SLC4A7: variants seen among roughly 807,000 people sequenced by gnomAD.
The protein encoded by SLC4A7 is solute carrier family 4 member 7, also known as sodium bicarbonate cotransporter 3.
SLC4A7 carries 51 observed loss-of-function variants against 137.6 expected under a neutral mutation model. The observed-to-expected ratio is 0.37, with a 90% CI of 0.30 to 0.47. The LOEUF (loss-of-function observed/expected upper bound fraction) is 0.47, where lower values mean the gene tolerates loss of function less well. SLC4A7 is among the 20% of genes least tolerant of loss of function. The pLI, the probability that SLC4A7 is intolerant of heterozygous loss-of-function variation, is 1.00. For missense variants in SLC4A7, 1,247 were observed against 1,525.4 expected (o/e 0.82, Z 3.04); for synonymous variants, 542 against 518.6 (o/e 1.05, Z -0.61).
At chr3:27,468,131 G>A (rs2059085676) in intron 1 of SLC4A7, among the ~76,000 whole-genome samples, 1 of 152,130 alleles carries the variant, frequency 6.6e-6, no homozygotes, top group South Asian at 2.1e-4. Context: ...GTTTCACCAT[G>A]TTGGCCAGGC....
At chr3:27,380,869 A>T (rs2050352797) in intron 24 of SLC4A7, among the ~76,000 whole-genome samples, 1 of 152,224 alleles carries the variant, frequency 6.6e-6, no homozygotes, top group African/African-American at 2.4e-5. Context: ...AACTTCAAAT[A>T]AGTGAAGAAA....
intron 2 of SLC4A7, 26 bp downstream of exon 2, chr3:27,452,391 A>C: frequency 7.0e-7 from 1 of 1,434,810 alleles, no homozygotes; most frequent in Non-Finnish European, 9.7e-7. Flanking sequence ...CTACTAAGCG[A>C]AGTAAGTTAT....
chr3:27,461,051 T>C (rs2058669313), intron 1 of SLC4A7, among the ~76,000 whole-genome samples: 1 of 152,160 alleles, frequency 6.6e-6, no homozygotes, highest in Admixed American at 6.5e-5. Context: ...CACTAAAGAT[T>C]TCACTTGTTA....
chr3:27,407,910 C>A lies in SLC4A7; in HGVS notation c.1941+1446G>T, dbSNP rs541906261. ...TCCCAATCTTTACATTTCCTCCTCA[C>A]CACTCTACACACTCTGGGACCGTAT... On this transcript the variant is annotated intron_variant, in intron 13 of 25. Coordinates refer to ENST00000454389, the MANE Select transcript of SLC4A7 (RefSeq NM_001321103.2). Among the ~76,000 whole-genome samples the A allele has an allele frequency of 1.6e-3, 247 of 152,228 alleles. 1 individual carries two copies. The highest frequency in any genetic ancestry group is 5.9e-3 in the African/African-American group (244 of 41,538).
rs187212978 is a variant in SLC4A7 at position 27,435,149 on chromosome 3, T to C, written c.590-1045A>G. On this transcript the variant is annotated intron_variant, in intron 5 of 25. Transcript: ENST00000454389. ...TGAGAAATTGTATTAAGTTCATGGT[T>C]CTCTTGAAGATTAAATACTACAGAT... 2.4e-3 allele frequency among the ~76,000 whole-genome samples: 363 copies of C among 152,330 alleles called. 2 individuals carry two copies. Among genetic ancestry groups the C allele is most frequent in the African/African-American group, 8.5e-3 (353 of 41,574 alleles).
chr3:27,469,760 A>T (rs1185782231), intron 1 of SLC4A7, among the ~76,000 whole-genome samples: 1 of 152,210 alleles, frequency 6.6e-6, no homozygotes, highest in Non-Finnish European at 1.5e-5. Flanking sequence ...TCTCAAAAAA[A>T]AATAATAAAA....
At chr3:27,452,297 T>C (rs559259474) in intron 2 of SLC4A7, 120 bp downstream of exon 2, 1 of 645,862 alleles carries the variant, frequency 1.5e-6, no homozygotes. Flanking sequence ...ATGTACGCTT[T>C]ACCTTACAAC....
intron 2 of SLC4A7, among the ~76,000 whole-genome samples, chr3:27,451,458 T>C (rs1404908686): frequency 6.6e-6 from 1 of 152,132 alleles, no homozygotes; most frequent in Non-Finnish European, 1.5e-5. Context: ...ATTACTTCTG[T>C]GGTATGCTTC....
chr3:27,413,807 G>A (rs2054130452), intron 11 of SLC4A7, among the ~76,000 whole-genome samples: 1 of 152,140 alleles, frequency 6.6e-6, no homozygotes, highest in African/African-American at 2.4e-5. Flanking sequence ...GTTTAAAAAT[G>A]CCTATTTAAA....
chr3:27,471,406 G>C (rs1367407774), intron 1 of SLC4A7, among the ~76,000 whole-genome samples: 1 of 152,118 alleles, frequency 6.6e-6, no homozygotes, highest in African/African-American at 2.4e-5. Flanking sequence ...AGGTGAAAGG[G>C]GGAACATTTT....
At chr3:27,436,692 G>A in intron 4 of SLC4A7, 144 bp from the exon 5 acceptor site, 3 of 547,350 alleles carry the variant, frequency 5.5e-6, no homozygotes, top group Non-Finnish European at 9.2e-6. Context: ...TCACAAATTA[G>A]GTTAATGGTC....
At chr3:27,430,646 T>C (rs984562048) in intron 7 of SLC4A7, among the ~76,000 whole-genome samples, 1 of 145,832 alleles carries the variant, frequency 6.9e-6, no homozygotes, top group African/African-American at 2.5e-5. Flanking sequence ...CTGGCCAGCA[T>C]GGTGAAAACA....
At chr3:27,440,123 A>G (rs921152991) in intron 3 of SLC4A7, among the ~76,000 whole-genome samples, 15 of 152,310 alleles carry the variant, frequency 9.8e-5, no homozygotes, top group African/African-American at 3.4e-4. Flanking sequence ...GGTGGATTAA[A>G]TAACACAAAT....
At chr3:27,430,109 T>C (rs1411360617) in intron 7 of SLC4A7, among the ~76,000 whole-genome samples, 1 of 151,952 alleles carries the variant, frequency 6.6e-6, no homozygotes. Flanking sequence ...CTCAGAATGC[T>C]GAGTCAGGAG....
At position 27,376,520 on chromosome 3, in the gene SLC4A7, G is replaced by GA. The variant is rs1279740004; in HGVS notation, c.*243dup. The GA allele has an allele frequency of 1.1e-5, 3 of 277,658 alleles. No individual in the cohort carries two copies. Among genetic ancestry groups the GA allele is most frequent in the Non-Finnish European group, 2.0e-5 (3 of 150,638 alleles). 17.2% of individuals were successfully genotyped at this position (277,658 alleles called of 1,614,324 possible). Reference sequence around the variant, plus strand: ...CTCCACATCCTTCTATTGCAAAACAGAAAATTTTTTTTTCTAACAGAATAA... The same window carrying GA: ...CTCCACATCCTTCTATTGCAAAACAGAAAAATTTTTTTTTCTAACAGAATAA... On this transcript the variant is annotated 3_prime_UTR_variant, in exon 26 of 26. Transcript: ENST00000454389.
chr3:27,431,598 C>T lies in SLC4A7; in HGVS notation c.850G>A (p.Glu284Lys). ...CCAAGAAGAAGAGATAAAGGTGATT[C>T]TCCTCTCAAGGAAAGGTTTGAGGCA... ...LSASNLSLRG[E>K]SPLSLLLGHL... is the part of the protein sequence containing the mutation. The change falls in exon 7 of 26, where the codon GAA becomes AAA. Residue 284 changes from glutamate to lysine, a missense_variant. By Grantham distance (56) the Glu-to-Lys change is moderately conservative (BLOSUM62 1). This residue lies in a region of SLC4A7 where 223 missense variants were observed against 203.6 expected (regional missense o/e 1.10). Transcript: ENST00000454389. The T allele has an allele frequency of 6.2e-7, 1 of 1,613,852 alleles. No individual in the cohort carries two copies. The highest frequency in any genetic ancestry group is 8.5e-7 in the Non-Finnish European group (1 of 1,179,866).
At chr3:27,472,994 C>T (rs182751782) in intron 1 of SLC4A7, among the ~76,000 whole-genome samples, 4 of 151,534 alleles carry the variant, frequency 2.6e-5, no homozygotes, top group Admixed American at 6.6e-5. Flanking sequence ...GCAGGGGAAT[C>T]GTTTGAATCT....
At chr3:27,468,832 G>A (rs1264120406) in intron 1 of SLC4A7, among the ~76,000 whole-genome samples, 1 of 152,130 alleles carries the variant, frequency 6.6e-6, no homozygotes, top group Non-Finnish European at 1.5e-5. Flanking sequence ...TAGGAGTGGG[G>A]CGTGATGGCT....
At chr3:27,428,220 T>C (rs964408707) in intron 7 of SLC4A7, 1 of 154,364 alleles carries the variant, frequency 6.5e-6, no homozygotes, top group Admixed American at 6.5e-5. Flanking sequence ...CACGAACTGA[T>C]AAAGTTCACA....
Sources: allele counts gnomAD v4.1 joint callset (sites outside exome capture counted in the v4.1 genomes callset), GRCh38; gene constraint gnomAD v4.1.1; regional missense constraint gnomAD v4.1.1; transcripts MANE v1.5; gene names NCBI Gene and HGNC (gene_info 2026-07-23, HGNC 2026-07-21).